SIRT2: variants seen among roughly 807,000 people sequenced by gnomAD.
SIRT2 encodes the protein sirtuin 2.
Under a neutral mutation model 57.4 loss-of-function variants are expected in SIRT2, and 40 were observed. The observed-to-expected ratio is 0.70, with a 90% CI of 0.54 to 0.91. The LOEUF (loss-of-function observed/expected upper bound fraction) is 0.91, where lower values mean the gene tolerates loss of function less well. Ranked by LOEUF, SIRT2 falls within the 40% of genes least tolerant of loss-of-function variation. The probability of loss-of-function intolerance (pLI) is 0.00; values close to 1 mark genes in which losing one functional copy is unlikely to be tolerated. For synonymous variants in SIRT2, 161 were observed against 195.7 expected (o/e 0.82, Z 1.48); for missense variants, 439 against 510.4 (o/e 0.86, Z 1.35).
chr19:38,884,108 T>TAAAA (rs61351914), intron 8 of SIRT2, among the ~76,000 whole-genome samples: 2 of 116,094 alleles, frequency 1.7e-5, no homozygotes, highest in Non-Finnish European at 3.7e-5. Flanking sequence ...TACAAAAAAT[T>TAAAA]AAAAAAAAAA....
intron 8 of SIRT2, among the ~76,000 whole-genome samples, chr19:38,885,476 A>G (rs1171840223): frequency 6.9e-6 from 1 of 145,472 alleles, no homozygotes; most frequent in East Asian, 2.0e-4. Flanking sequence ...CCCAGGCTGG[A>G]GTACAATGGC....
intron 4 of SIRT2, 101 bp from the exon 5 acceptor site, chr19:38,890,245 C>A: frequency 8.2e-7 from 1 of 1,225,316 alleles, no homozygotes; most frequent in Non-Finnish European, 1.2e-6. Flanking sequence ...CATGCCAGGC[C>A]CTGGGGCAAG....
chr19:38,884,435 G>GGTTT (rs35505058), intron 8 of SIRT2, among the ~76,000 whole-genome samples: 153 of 151,752 alleles, frequency 1.0e-3, no homozygotes, highest in East Asian at 8.0e-3. Flanking sequence ...TACTAGGTGT[G>GGTTT]GTTTGTTTGT....
At chr19:38,895,916 C>T (rs1157073228) in intron 2 of SIRT2, among the ~76,000 whole-genome samples, 1 of 152,090 alleles carries the variant, frequency 6.6e-6, no homozygotes, top group African/African-American at 2.4e-5. Context: ...AATAAAAATA[C>T]AAAAAATTAG....
chr19:38,893,680 T>G (rs1973620101), intron 3 of SIRT2, 139 bp downstream of exon 3: 1 of 1,259,704 alleles, frequency 7.9e-7, no homozygotes. Flanking sequence ...GAGCCTGCTC[T>G]GGCACTGGTA....
At chr19:38,879,377 T>TG in intron 15 of SIRT2, 57 bp downstream of exon 15, 1 of 1,600,202 alleles carries the variant, frequency 6.2e-7, no homozygotes, top group Non-Finnish European at 8.5e-7. Flanking sequence ...ACCCATGGGG[T>TG]GGGGAGAGGG....
In SIRT2 at chr19:38,893,503, G is replaced by A; in HGVS notation, c.137C>T (p.Ser46Phe). 6.2e-7 allele frequency: 1 copy of A among 1,613,612 alleles called. No homozygotes were observed. The highest frequency in any genetic ancestry group is 8.5e-7 in the Non-Finnish European group (1 of 1,179,658). ...ADMDFLRNLF[S>F]QTLSLGSQKE... ...CTGGCTGCCCAGGCTGAGCGTCTGG[G>A]AGAATAAGTTCCGCAGGAAGTCCAC... Residue 46 changes from serine to phenylalanine, a missense_variant, in exon 4 of 16, where the codon TCC (serine) becomes TTC (phenylalanine). Transcript: ENST00000249396.
chr19:38,884,786 G>A (rs1474549532), intron 8 of SIRT2, among the ~76,000 whole-genome samples: 1 of 151,762 alleles, frequency 6.6e-6, no homozygotes, highest in Admixed American at 6.6e-5. Flanking sequence ...TCACTCTGTC[G>A]CCCAGGCTAT....
At chr19:38,883,332 G>T (rs1385904095) in intron 9 of SIRT2, among the ~76,000 whole-genome samples, 1 of 151,326 alleles carries the variant, frequency 6.6e-6, no homozygotes, top group Non-Finnish European at 1.5e-5. Flanking sequence ...CAGGTGATCT[G>T]CCCGCCTTGG....
intron 9 of SIRT2, 116 bp downstream of exon 9, chr19:38,883,511 A>C: frequency 7.2e-7 from 1 of 1,392,894 alleles, no homozygotes; most frequent in Non-Finnish European, 9.8e-7. Context: ...AAAAACAAAC[A>C]AACAAAACAA....
At chr19:38,897,545 C>T (rs1035710247) in intron 2 of SIRT2, among the ~76,000 whole-genome samples, 1 of 150,924 alleles carries the variant, frequency 6.6e-6, no homozygotes, top group Non-Finnish European at 1.5e-5. Context: ...TTTTTTGAGA[C>T]CGTGTTTTGC....
rs202226044 is a variant in SIRT2, at chr19:38,879,622, G to A, written c.947+10C>T. The A allele has an allele frequency of 1.3e-5, 21 of 1,565,668 alleles. No homozygotes were observed. The highest frequency in any genetic ancestry group is 4.1e-5 in the African/African-American group (3 of 73,620). On this transcript the variant is annotated intron_variant, in intron 14 of 15. Transcript: ENST00000249396. The stretch of plus-strand genomic sequence containing the variant: ...CTTCCAGGCTGCCCCAACCCCCGGC[G>A]GGGCCTCACCTGTAGGCCTTCTTGG...
At chr19:38,898,618 AGAGGTGATTAGT>A in intron 1 of SIRT2, 193 bp from the exon 2 acceptor site, 1 of 402,092 alleles carries the variant, frequency 2.5e-6, no homozygotes, top group Non-Finnish European at 4.4e-6. Flanking sequence ...TGATGCCGGG[AGAGGTGATTAGT>A]GAGGGGCAGA....
Position 38,880,429 on chromosome 19 carries a change from T to A in SIRT2, c.876+256A>T. ...TGTCTCTCCTGACCCCTGCACCCCC[T>A]CCCACCTCCTCAGTCCCTGGAAGCC... is the stretch of plus-strand genomic sequence containing the variant. On this transcript the variant is annotated intron_variant, in intron 13 of 15. Coordinates refer to ENST00000249396, the MANE Select transcript of SIRT2 (RefSeq NM_012237.4). The surrounding 1 kb of genome is among the most constrained non-coding windows in gnomAD (Gnocchi z 4.1). 34 of 287,946 alleles carry A rather than the reference T, an allele frequency of 1.2e-4. No homozygotes were observed. Among genetic ancestry groups the A allele is most frequent in the Middle Eastern group, 9.3e-4 (1 of 1,072 alleles). The allele number at this position is 287,946 out of a possible 1,614,324, so 17.8% of individuals were successfully genotyped here. A position where few individuals can be genotyped will look rare whatever the true frequency, so the allele number is the denominator to read the frequency against.
At chr19:38,889,656 C>T (rs769937497) in intron 7 of SIRT2, 33 bp downstream of exon 7, 1 of 1,612,606 alleles carries the variant, frequency 6.2e-7, no homozygotes, top group East Asian at 2.2e-5. Context: ...CCCAACCCTT[C>T]CTGTTTCGCC....
At chr19:38,895,221 C>G (rs1008838237) in intron 2 of SIRT2, among the ~76,000 whole-genome samples, 35 of 152,140 alleles carry the variant, frequency 2.3e-4, no homozygotes, top group African/African-American at 8.4e-4. Flanking sequence ...CCTCCTCCCC[C>G]AGCCTCCCAG....
chr19:38,899,391 C>G, intron 1 of SIRT2, 115 bp downstream of exon 1: 1 of 1,208,948 alleles, frequency 8.3e-7, no homozygotes, highest in Non-Finnish European at 1.2e-6. Flanking sequence ...GAATCCCACT[C>G]CCCGAAGCGC....
chr19:38,889,141 G>T lies in SIRT2; in HGVS notation c.447C>A (p.His149Gln). 1 of 1,613,118 alleles carries T rather than the reference G, an allele frequency of 6.2e-7. No homozygotes were observed. Residue 149 changes from histidine (H) to glutamine (Q), a missense_variant, in exon 8 of 16, where the codon CAC becomes CAA. By Grantham distance (24) the His-to-Gln change is conservative (BLOSUM62 0). Coordinates refer to ENST00000249396, the MANE Select transcript of SIRT2 (RefSeq NM_012237.4). ...YPGQFKPTIC[H>Q]YFMRLLKDKG... is the part of the protein sequence containing the mutation. ...TGTCCTTCAGCAGGCGCATGAAGTA[G>T]TGACAGATGGTTGGCTGCAGGGAAG...
At position 38,879,137 on chromosome 19, in the gene SIRT2, G is replaced by GGCATC. The variant is rs1973035337; in HGVS notation, c.*17_*18insGATGC. On this transcript the variant is annotated 3_prime_UTR_variant, in exon 16 of 16. Coordinates refer to ENST00000249396, the MANE Select transcript of SIRT2 (RefSeq NM_012237.4). ...CTGTCCCTGAGGAGCTCGGCATCCC[G>GGCATC]CCTGGGAGATGCAGCTGTCACTGGG... The GGCATC allele has an allele frequency of 6.4e-7, 1 of 1,552,820 alleles. No individual in the cohort carries two copies. Among genetic ancestry groups the GGCATC allele is most frequent in the African/African-American group, 1.4e-5 (1 of 71,926 alleles).
Sources: allele counts gnomAD v4.1 joint callset (sites outside exome capture counted in the v4.1 genomes callset), GRCh38; gene constraint gnomAD v4.1.1; non-coding constraint Gnocchi (gnomAD v3.1); transcripts MANE v1.5; gene names NCBI Gene and HGNC (gene_info 2026-07-23, HGNC 2026-07-21).